Variants in FAM186B observed in about 807,000 individuals in gnomAD.
FAM186B encodes protein FAM186B.
FAM186B carries 68 observed loss-of-function variants against 83.4 expected under a neutral mutation model. The observed-to-expected ratio is 0.81, with a 90% CI of 0.67 to 1.00. The LOEUF (loss-of-function observed/expected upper bound fraction) is 1.00, where lower values mean the gene tolerates loss of function less well. Among genes scored for constraint, FAM186B ranks in the 50% least tolerant of loss-of-function variants. The pLI is 0.00. For missense variants in FAM186B, 983 were observed against 1,099.2 expected, an observed-to-expected ratio of 0.89 and a Z score of 1.49; for synonymous variants, 389 against 422.0, an observed-to-expected ratio of 0.92 and a Z score of 0.96.
chr12:49,588,492 C>A lies in FAM186B; in HGVS notation c.2496G>T (p.Leu832=). ...GGGGCACACATGCCCGGTGCCTAGA[C>A]AGAAAGGGCTGCTTGTAGGTGGGGC... ...PSGPTYKQPF[L]SRHRACVPLQ... is the part of the protein sequence containing the mutation. The change falls in exon 6 of 7, where the codon CTG becomes CTT. Residue 832 remains leucine, a synonymous_variant. Coordinates refer to ENST00000257894, the MANE Select transcript of FAM186B (RefSeq NM_032130.3). 6.2e-7 allele frequency: 1 copy of A among 1,613,492 alleles called. No homozygotes were observed. Among genetic ancestry groups the A allele is most frequent in the Non-Finnish European group, 8.5e-7 (1 of 1,179,728 alleles).
At chr12:49,582,894 A>G (rs1390964740), downstream of FAM186B, 2 of 394,258 alleles carry the variant, frequency 5.1e-6, no homozygotes, top group Non-Finnish European at 1.0e-5. Flanking sequence ...ATACACACAC[A>G]TATATATTTG....
intron 5 of FAM186B, 63 bp downstream of exon 5, chr12:49,598,692 A>C (rs1267592616): frequency 6.8e-7 from 1 of 1,478,300 alleles, no homozygotes; most frequent in East Asian, 2.3e-5. Context: ...TCAGGCCCCA[A>C]GCCGACTGGC....
Position 49,600,783 on chromosome 12 carries a change from A to G in FAM186B, c.857T>C (p.Leu286Pro), listed in dbSNP as rs1939870318. ...CAGCAGAGCATCCCTCCTGCTCTCAAGGACCTCCATGAACTGCTGGAAGTG... is the reference window on the plus strand; with the variant it reads ...CAGCAGAGCATCCCTCCTGCTCTCAGGGACCTCCATGAACTGCTGGAAGTG... ...RLHFQQFMEV[L>P]ESRRDALLKQ... Residue 286 changes from leucine (L) to proline (P), a missense_variant, in exon 4 of 7, where the codon CTT (leucine) becomes CCT (proline). Leu to Pro is a moderately conservative substitution (Grantham distance 98, BLOSUM62 -3). Transcript: ENST00000257894. The surrounding 1 kb of genome is among the most constrained non-coding windows in gnomAD (Gnocchi z 4.3). The G allele has an allele frequency of 1.9e-6, 3 of 1,613,122 alleles. No individual in the cohort carries two copies. The highest frequency in any genetic ancestry group is 3.3e-4 in the Middle Eastern group (2 of 6,054).
At chr12:49,587,503 T>C (rs926590279), downstream of FAM186B, 4 of 1,505,808 alleles carry the variant, frequency 2.7e-6, no homozygotes, top group Non-Finnish European at 3.7e-6. Flanking sequence ...ATGAGGTCAT[T>C]GTTAAAGCCT....
In FAM186B at chr12:49,604,350, C is replaced by T. The variant is rs1199649264; in HGVS notation, c.285G>A (p.Lys95=). 1.2e-6 allele frequency: 2 copies of T among 1,614,244 alleles called. No individual in the cohort carries two copies. Among genetic ancestry groups the T allele is most frequent in the East Asian group, 2.2e-5 (1 of 44,890 alleles). ...SFSKDAMMKE[K]HLYDILRWLG... is the part of the protein sequence containing the mutation. ...GCCAGCGGAGAATGTCATACAGGTG[C>T]TTCTCCTTCATCATAGCATCTTTGG... Residue 95 remains lysine (K), a synonymous_variant, in exon 2 of 7, where the codon AAG becomes AAA. Transcript: ENST00000257894.
intron 5 of FAM186B, among the ~76,000 whole-genome samples, chr12:49,591,137 AC>A (rs1939571667): frequency 6.6e-6 from 1 of 152,208 alleles, no homozygotes; most frequent in Non-Finnish European, 1.5e-5. Flanking sequence ...AGGGCAGGGA[AC>A]CCAAACAGAA....
chr12:49,621,465 A>AG, the FAM186B span, among the ~76,000 whole-genome samples: 1 of 152,182 alleles, frequency 6.6e-6, no homozygotes, highest in Non-Finnish European at 1.5e-5. Context: ...CAGCAAGGTG[A>AG]GGGGATGAAC....
At position 49,599,781 on chromosome 12, in the gene FAM186B, G is replaced by A; in HGVS notation, c.1859C>T (p.Pro620Leu). The change falls in exon 4 of 7, where the codon CCA (proline) becomes CTA (leucine). Residue 620 changes from proline (P) to leucine (L), a missense_variant. Pro to Leu is a moderately conservative substitution (Grantham distance 98). Transcript: ENST00000257894. ...CTTTGTGGGAACTCGGCGGGTCCGT[G>A]GTCTGTAGGTAAACTCCACTGAACT... ...PMSSVEFTYR[P>L]RTRRVPTKPK... The A allele has an allele frequency of 6.2e-7, 1 of 1,613,954 alleles. No individual in the cohort carries two copies. Among genetic ancestry groups the A allele is most frequent in the East Asian group, 2.2e-5 (1 of 44,882 alleles).
chr12:49,605,400 C>T lies in FAM186B; in HGVS notation c.78G>A (p.Gln26=), dbSNP rs1238312697. 3.7e-6 allele frequency: 6 copies of T among 1,613,324 alleles called. No homozygotes were observed. Residue 26 remains glutamine, a synonymous_variant, in exon 1 of 7, where the codon CAG becomes CAA. Transcript: ENST00000257894. Reference sequence around the variant, plus strand: ...GGGCTACCTCTTGAGCCCGAGTTAGCTGGGCAGCCTCAATCCTCAGGATGA... The same window carrying T: ...GGGCTACCTCTTGAGCCCGAGTTAGTTGGGCAGCCTCAATCCTCAGGATGA... ...KAIILRIEAA[Q]LTRAQEDIST...
the FAM186B span, among the ~76,000 whole-genome samples, chr12:49,614,820 G>C: frequency 6.6e-6 from 1 of 152,094 alleles, no homozygotes; most frequent in East Asian, 1.9e-4. Context: ...AGTGGGAAGC[G>C]GGGTGAGTGA....
At position 49,600,027 on chromosome 12, in the gene FAM186B, T is replaced by C; in HGVS notation, c.1613A>G (p.Glu538Gly). 6.2e-7 allele frequency: 1 copy of C among 1,608,544 alleles called. No homozygotes were observed. The highest frequency in any genetic ancestry group is 1.3e-5 in the African/African-American group (1 of 74,886). ...REQQRRWVQLEKEQESPRREP... is the reference protein window; with the variant it reads ...REQQRRWVQLGKEQESPRREP... ...TCTCCGTGGGCTCTCCTGCTCCTTTTCTAGCTGGACCCATCTCCGCTGTTG... is the reference window on the plus strand; with the variant it reads ...TCTCCGTGGGCTCTCCTGCTCCTTTCCTAGCTGGACCCATCTCCGCTGTTG... Residue 538 changes from glutamate (E) to glycine (G), a missense_variant, in exon 4 of 7, where the codon GAA becomes GGA. Glu to Gly is a moderately conservative substitution (Grantham distance 98, BLOSUM62 -2). Coordinates refer to ENST00000257894, the MANE Select transcript of FAM186B (RefSeq NM_032130.3). This position sits in a 1 kb window ranked among gnomAD's most constrained non-coding sequence, Gnocchi z 4.3.
chr12:49,600,300 T>C lies in FAM186B; in HGVS notation c.1340A>G (p.Tyr447Cys). The C allele has an allele frequency of 1.2e-6, 2 of 1,614,146 alleles. No individual in the cohort carries two copies. Among genetic ancestry groups the C allele is most frequent in the Non-Finnish European group, 1.7e-6 (2 of 1,180,022 alleles). The change falls in exon 4 of 7, where the codon TAC becomes TGC. Residue 447 changes from tyrosine to cysteine, a missense_variant. Coordinates refer to ENST00000257894, the MANE Select transcript of FAM186B (RefSeq NM_032130.3). This position sits in a 1 kb window ranked among gnomAD's most constrained non-coding sequence, Gnocchi z 4.3. ...LGHKDKDQED[Y>C]FQKGGLQIKF... ...AATTTGGAGTCCTCCCTTCTGGAAG[T>C]AGTCCTCCTGGTCTTTGTCTTTGTG...
At chr12:49,586,934 G>C (rs1017687793), downstream of FAM186B, among the ~76,000 whole-genome samples, 1 of 152,196 alleles carries the variant, frequency 6.6e-6, no homozygotes, top group Non-Finnish European at 1.5e-5. Flanking sequence ...GTTAGGTCTA[G>C]ACTGGAGGCA....
chr12:49,585,204 G>A (rs563238602), downstream of FAM186B, among the ~76,000 whole-genome samples: 169 of 152,160 alleles, frequency 1.1e-3, 1 homozygote, highest in Admixed American at 5.2e-3. Flanking sequence ...ATTTTTAGTA[G>A]AGATGGGGTT....
At chr12:49,608,983 G>A (rs559008418), upstream of FAM186B, among the ~76,000 whole-genome samples, 29 of 152,284 alleles carry the variant, frequency 1.9e-4, no homozygotes, top group African/African-American at 3.1e-4. Context: ...ATTCTTTGGC[G>A]ACACAGTAGC....
chr12:49,619,530 C>T, the FAM186B span: 1 of 701,080 alleles, frequency 1.4e-6, no homozygotes, highest in Non-Finnish European at 2.7e-6. Flanking sequence ...TGTGTGGCAG[C>T]CCAAGGCTTT....
chr12:49,610,714 C>T, the FAM186B span, among the ~76,000 whole-genome samples: 35 of 148,216 alleles, frequency 2.4e-4, no homozygotes, highest in African/African-American at 7.5e-4. Flanking sequence ...GGCGTGAACG[C>T]GGGAGGCAGA....
In FAM186B at chr12:49,600,032, C is replaced by A; in HGVS notation, c.1608G>T (p.Gln536His). Residue 536 changes from glutamine to histidine, a missense_variant, in exon 4 of 7, where the codon CAG (glutamine) becomes CAT (histidine). Transcript: ENST00000257894. The surrounding 1 kb of genome is among the most constrained non-coding windows in gnomAD (Gnocchi z 4.3). ...LAREQQRRWVQLEKEQESPRR... is the reference protein window; with the variant it reads ...LAREQQRRWVHLEKEQESPRR... ...GTGGGCTCTCCTGCTCCTTTTCTAG[C>A]TGGACCCATCTCCGCTGTTGCTCCC... 6.2e-7 allele frequency: 1 copy of A among 1,606,966 alleles called. No individual in the cohort carries two copies.
At chr12:49,590,257 A>T (rs189204492) in intron 5 of FAM186B, among the ~76,000 whole-genome samples, 221 of 152,276 alleles carry the variant, frequency 1.5e-3, no homozygotes, top group Middle Eastern at 6.8e-3. Flanking sequence ...GAGAAAAGGA[A>T]GTTTGGGTGT....
Sources: allele counts gnomAD v4.1 joint callset (sites outside exome capture counted in the v4.1 genomes callset), GRCh38; gene constraint gnomAD v4.1.1; non-coding constraint Gnocchi (gnomAD v3.1); transcripts MANE v1.5; gene names NCBI Gene and HGNC (gene_info 2026-07-23, HGNC 2026-07-21).